Variants in IDE observed in about 807,000 individuals in gnomAD.
IDE encodes insulin degrading enzyme, also known as insulin-degrading enzyme.
In IDE, 58 loss-of-function variants were observed where a neutral mutation model predicts 133.2. That is an observed-to-expected ratio of 0.44 (90% confidence interval 0.35 to 0.54). The LOEUF (loss-of-function observed/expected upper bound fraction) is 0.54, where lower values mean the gene tolerates loss of function less well. Among genes scored for constraint, IDE ranks in the 20% least tolerant of loss-of-function variants. The probability of loss-of-function intolerance (pLI) is 0.00; values close to 1 mark genes in which losing one functional copy is unlikely to be tolerated. For synonymous variants in IDE, 396 were observed against 421.3 expected, an observed-to-expected ratio of 0.94 and a Z score of 0.73; for missense variants, 981 against 1,234.0, an observed-to-expected ratio of 0.79 and a Z score of 3.07.
At position 92,534,759 on chromosome 10, in the gene IDE, C is replaced by G. The variant is rs368224999; in HGVS notation, c.310G>C (p.Ala104Pro). The G allele has an allele frequency of 1.9e-6, 3 of 1,613,328 alleles. No homozygotes were observed. Among genetic ancestry groups the G allele is most frequent in the Non-Finnish European group, 2.5e-6 (3 of 1,179,816 alleles). ...TGTTCACAAAAATGACTTAAGCCAGCAATATTTGGAGGATCCGACAATGAA... is the reference window on the plus strand; with the variant it reads ...TGTTCACAAAAATGACTTAAGCCAGGAATATTTGGAGGATCCGACAATGAA... Reference protein sequence around the residue: ...IGSLSDPPNIAGLSHFCEHML... With the variant: ...IGSLSDPPNIPGLSHFCEHML... The change falls in exon 3 of 25, where the codon GCT (alanine) becomes CCT (proline). Residue 104 changes from alanine (A) to proline (P), a missense_variant. By Grantham distance (27) the Ala-to-Pro change is conservative. Transcript: ENST00000265986.
At chr10:92,515,809 C>T (rs1223635651) in intron 4 of IDE, among the ~76,000 whole-genome samples, 3 of 149,960 alleles carry the variant, frequency 2.0e-5, no homozygotes, top group Non-Finnish European at 3.0e-5. Context: ...ATCTGCCTGC[C>T]TCGGCCTCCC....
At position 92,463,944 on chromosome 10, in the gene IDE, T is replaced by A. The variant is rs984686097; in HGVS notation, c.2548A>T (p.Ile850Phe). ...ANGIQGLRFIIQSEKPPHYLE... is the reference protein window; with the variant it reads ...ANGIQGLRFIFQSEKPPHYLE... ...TAGTGAGGTGGCTTTTCTGACTGGA[T>A]GATGAATCTCAAGCCCTGTATGCCA... Residue 850 changes from isoleucine (I) to phenylalanine (F), a missense_variant, in exon 21 of 25, where the codon ATC becomes TTC. Around this residue, in one of 2 missense-constraint regions of IDE, gnomAD observed 660 missense variants for 894.7 expected, o/e 0.74. Transcript: ENST00000265986. 6.2e-7 allele frequency: 1 copy of A among 1,614,146 alleles called. No homozygotes were observed. Among genetic ancestry groups the A allele is most frequent in the Non-Finnish European group, 8.5e-7 (1 of 1,179,988 alleles).
chr10:92,507,981 T>C (rs1300301886), intron 8 of IDE, 132 bp downstream of exon 8: 10 of 703,662 alleles, frequency 1.4e-5, no homozygotes, highest in African/African-American at 1.8e-5. Context: ...ATATGAAAAA[T>C]ACAATGGATA....
chr10:92,476,047 C>A, intron 15 of IDE, 53 bp from the exon 16 acceptor site: 1 of 739,590 alleles, frequency 1.4e-6, no homozygotes, highest in Non-Finnish European at 2.3e-6. Context: ...AAAACAACTT[C>A]CAAATAAACG....
At chr10:92,508,614 C>G (rs900748471) in intron 7 of IDE, 114 bp downstream of exon 7, 4 of 895,016 alleles carry the variant, frequency 4.5e-6, no homozygotes, top group Admixed American at 4.7e-5. Flanking sequence ...CACTCACTAA[C>G]CCAAAATGGT....
rs529478641 is a variant in IDE at position 92,457,115 on chromosome 10, A to C, written c.2824-684T>G. On this transcript the variant is annotated intron_variant, in intron 22 of 24. Transcript: ENST00000265986. ...GTGCCTGAGCTAGGATTAAAAACCT[A>C]GCCTAGTACTCACTGGGATGGGCTG... Among the ~76,000 whole-genome samples the C allele has an allele frequency of 8.5e-5, 13 of 152,276 alleles. No homozygotes were observed. In the East Asian group the frequency reaches 2.5e-3, roughly 29 times the overall value.
Position 92,510,148 on chromosome 10 carries a change from A to C in IDE, c.799T>G (p.Leu267Val). 1 of 1,543,782 alleles carries C rather than the reference A, an allele frequency of 6.5e-7. No individual in the cohort carries two copies. Among genetic ancestry groups the C allele is most frequent in the Non-Finnish European group, 8.9e-7 (1 of 1,120,516 alleles). The change falls in exon 6 of 25, where the codon TTG becomes GTG. Residue 267 changes from leucine to valine, a missense_variant. Leu to Val is a conservative substitution (Grantham distance 32). Coordinates refer to ENST00000265986, the MANE Select transcript of IDE (RefSeq NM_004969.4). ...CVLGRESLDD[L>V]TNLVVKLFSE... ...AATAACTTTACCACCAGATTAGTCA[A>C]GTCATCTAAAGATTCTACAAGAAAA...
chr10:92,527,462 C>T (rs1354998161), intron 4 of IDE, among the ~76,000 whole-genome samples: 2 of 152,014 alleles, frequency 1.3e-5, no homozygotes, highest in Non-Finnish European at 2.9e-5. Context: ...TGAGATTATA[C>T]AATTCCTAAA....
chr10:92,473,682 C>G (rs1413167453), intron 17 of IDE, among the ~76,000 whole-genome samples: 1 of 151,670 alleles, frequency 6.6e-6, no homozygotes, highest in African/African-American at 2.4e-5. Context: ...CTAACTTTTT[C>G]TTAAAACTTC....
chr10:92,565,220 G>C, intron 1 of IDE, among the ~76,000 whole-genome samples: 1 of 149,840 alleles, frequency 6.7e-6, no homozygotes, highest in East Asian at 2.0e-4. Flanking sequence ...CTCCAGCCTG[G>C]GTGACAGAGC....
At chr10:92,518,015 C>G (rs1421752373) in intron 4 of IDE, among the ~76,000 whole-genome samples, 2 of 152,108 alleles carry the variant, frequency 1.3e-5, no homozygotes, top group Non-Finnish European at 2.9e-5. Flanking sequence ...TTCTCTCACT[C>G]TACCTGAGGG....
At chr10:92,516,952 C>T (rs1016564778) in intron 4 of IDE, among the ~76,000 whole-genome samples, 9 of 152,254 alleles carry the variant, frequency 5.9e-5, no homozygotes, top group African/African-American at 1.7e-4. Flanking sequence ...TTCCAATGAT[C>T]GGTGTCTCTC....
At chr10:92,539,736 C>T (rs1182259602) in intron 1 of IDE, among the ~76,000 whole-genome samples, 2 of 151,972 alleles carry the variant, frequency 1.3e-5, no homozygotes, top group Non-Finnish European at 2.9e-5. Flanking sequence ...TGCACTCCAG[C>T]CTGGCGACAG....
At chr10:92,564,631 G>A (rs969174701) in intron 1 of IDE, among the ~76,000 whole-genome samples, 4 of 122,020 alleles carry the variant, frequency 3.3e-5, no homozygotes, top group Admixed American at 1.1e-4. Context: ...CCGAGACTGC[G>A]CCACTGCATT....
intron 1 of IDE, among the ~76,000 whole-genome samples, chr10:92,552,971 A>C (rs1407022582): frequency 6.6e-6 from 1 of 151,988 alleles, no homozygotes; most frequent in African/African-American, 2.4e-5. Context: ...TACTCTAAAA[A>C]AGATGGGGCT....
At chr10:92,554,108 ACGT>A (rs1471776908) in intron 1 of IDE, among the ~76,000 whole-genome samples, 1 of 152,224 alleles carries the variant, frequency 6.6e-6, no homozygotes, top group Non-Finnish European at 1.5e-5. Flanking sequence ...ATTCAACAGC[ACGT>A]TAAAAGGATC....
chr10:92,473,220 G>A (rs1191421991), intron 17 of IDE, among the ~76,000 whole-genome samples: 1 of 151,928 alleles, frequency 6.6e-6, no homozygotes, highest in African/African-American at 2.4e-5. Flanking sequence ...GTGAGCCACG[G>A]CACCCGGCCC....
intron 1 of IDE, among the ~76,000 whole-genome samples, chr10:92,554,289 C>G (rs1203292662): frequency 3.3e-5 from 5 of 152,216 alleles, no homozygotes; most frequent in African/African-American, 1.2e-4. Context: ...TATAGTGGCT[C>G]ATGCCTGTCA....
chr10:92,508,892 T>C lies in IDE; in HGVS notation c.898-2A>G. ...AATGGGTACTATTTTGTAAAGTTGC[T>C]GGAGAAAACAAATCACAGAGATTAG... On this transcript the variant is annotated splice_acceptor_variant, in intron 6 of 24. Coordinates refer to ENST00000265986, the MANE Select transcript of IDE (RefSeq NM_004969.4). LOFTEE classifies it high-confidence loss of function. 6.2e-7 allele frequency: 1 copy of C among 1,608,930 alleles called. No homozygotes were observed. The highest frequency in any genetic ancestry group is 8.5e-7 in the Non-Finnish European group (1 of 1,175,362).
Sources: gnomAD v4.1 joint callset for allele counts (sites outside exome capture counted in the v4.1 genomes callset) on GRCh38, gnomAD v4.1.1 for gene constraint, gnomAD v4.1.1 regional missense constraint, MANE v1.5 for transcripts, NCBI Gene and HGNC (gene_info 2026-07-23, HGNC 2026-07-21) for gene names.